Variants in OR51B5 observed in about 807,000 individuals in gnomAD.
The protein encoded by OR51B5 is olfactory receptor family 51 subfamily B member 5.
For synonymous variants in OR51B5, 186 were observed against 144.8 expected (o/e 1.28, Z -2.04); for missense variants, 456 against 374.6 (o/e 1.22, Z -1.79).
chr11:5,478,149 A>C (rs11529358), intron 1 of OR51B5, among the ~76,000 whole-genome samples: 120,887 of 150,784 alleles, frequency 0.8, 48,565 homozygotes, highest in South Asian at 0.92. Context: ...TCTCCCAGCA[A>C]GCAGCTGGAG....
At chr11:5,421,914 TGAATGGGAGTGGGA>T (rs1412928084) in intron 1 of OR51B5, among the ~76,000 whole-genome samples, 4 of 152,274 alleles carry the variant, frequency 2.6e-5, no homozygotes, top group Admixed American at 2.0e-4. Flanking sequence ...TGCTGAAAAC[TGAATGGGAGTGGGA>T]AAATGGGGGC....
At chr11:5,344,715 G>GTGAC (rs1848963169), upstream of OR51B5, among the ~76,000 whole-genome samples, 1 of 152,176 alleles carries the variant, frequency 6.6e-6, no homozygotes, top group Non-Finnish European at 1.5e-5. Flanking sequence ...CACGCATCAT[G>GTGAC]TGACAGCCAT....
intron 1 of OR51B5, among the ~76,000 whole-genome samples, chr11:5,382,593 A>G (rs574076670): frequency 6.6e-6 from 1 of 152,314 alleles, no homozygotes; most frequent in Non-Finnish European, 1.5e-5. Context: ...TAATAAATGC[A>G]GGATTTTCTG....
chr11:5,348,156 T>C (rs1849023522), upstream of OR51B5, among the ~76,000 whole-genome samples: 1 of 152,200 alleles, frequency 6.6e-6, no homozygotes, highest in Admixed American at 6.5e-5. Flanking sequence ...AAAGACTCCC[T>C]GACATCTCTA....
upstream of OR51B5, among the ~76,000 whole-genome samples, chr11:5,343,887 G>T (rs1009190921): frequency 6.6e-6 from 1 of 152,186 alleles, no homozygotes; most frequent in Admixed American, 6.5e-5. Flanking sequence ...CATTCAAGGG[G>T]ATTTCCAGAA....
intron 1 of OR51B5, among the ~76,000 whole-genome samples, chr11:5,404,357 C>T (rs2736522): frequency 0.16 from 24,677 of 152,000 alleles, 2,507 homozygotes; most frequent in African/African-American, 0.29. Flanking sequence ...CACCAATCAG[C>T]GCTGTGTGTC....
intron 1 of OR51B5, among the ~76,000 whole-genome samples, chr11:5,435,158 G>A (rs2133771544): frequency 6.6e-6 from 1 of 152,324 alleles, no homozygotes; most frequent in Non-Finnish European, 1.5e-5. Flanking sequence ...CCCACTGAGA[G>A]AATGTCCATC....
intron 1 of OR51B5, among the ~76,000 whole-genome samples, chr11:5,357,285 A>G (rs937423146): frequency 1.3e-5 from 2 of 152,112 alleles, no homozygotes; most frequent in Non-Finnish European, 2.9e-5. Flanking sequence ...AGGAAGATCT[A>G]CCAAGAAAAT....
intron 1 of OR51B5, among the ~76,000 whole-genome samples, chr11:5,415,751 C>A (rs1850233715): frequency 6.6e-6 from 1 of 151,968 alleles, no homozygotes; most frequent in South Asian, 2.1e-4. Flanking sequence ...CTGAATACAC[C>A]AATAACAGGA....
At position 5,433,945 on chromosome 11, in the gene OR51B5, C is replaced by A. The variant is rs553493469; in HGVS notation, n.84+71624G>T. On this transcript the variant is annotated intron_variant and non_coding_transcript_variant, in intron 1 of 4. Coordinates refer to the OR51B5 transcript ENST00000415970. ...CTACACTCTTCATGCACCAGCTCTG[C>A]TGAACTCTGTCCTCTCTCAAAATTA... Among the ~76,000 whole-genome samples, 91 of 152,322 alleles carry A rather than the reference C, an allele frequency of 6.0e-4. 3 individuals carry two copies. The South Asian group carries it at 0.018, about 29-fold the overall frequency.
chr11:5,459,122 A>T (rs1290209058), intron 1 of OR51B5, among the ~76,000 whole-genome samples: 8 of 152,152 alleles, frequency 5.3e-5, no homozygotes, highest in Non-Finnish European at 7.4e-5. Flanking sequence ...TTTGAGGTAT[A>T]ATCCTTCAAT....
rs570759687 is a variant in OR51B5, at chr11:5,478,189, G to C, written n.84+27380C>G. 3.0e-3 allele frequency among the ~76,000 whole-genome samples: 449 copies of C among 152,162 alleles called. 6 individuals are homozygous for C. In the East Asian group the frequency reaches 0.032, roughly 11 times the overall value. On this transcript the variant is annotated intron_variant and non_coding_transcript_variant, in intron 1 of 4. Coordinates refer to the OR51B5 transcript ENST00000415970. Reference sequence around the variant, plus strand: ...GAGAACGGGTAGACTGCCTCCTCAAGTGGGTCCCTGACCCCTGAACCCCGA... The same window carrying C: ...GAGAACGGGTAGACTGCCTCCTCAACTGGGTCCCTGACCCCTGAACCCCGA...
chr11:5,489,719 A>G, intron 1 of OR51B5: 1 of 1,145,324 alleles, frequency 8.7e-7, no homozygotes. Flanking sequence ...GTCTAGATAC[A>G]TTTACATGGA....
At chr11:5,357,731 A>G (rs1459215403) in intron 1 of OR51B5, among the ~76,000 whole-genome samples, 3 of 150,240 alleles carry the variant, frequency 2.0e-5, no homozygotes, top group Non-Finnish European at 4.4e-5. Flanking sequence ...AATTGACCAC[A>G]TAGTTGGAAG....
chr11:5,348,684 C>T (rs890278374), intron 1 of OR51B5, among the ~76,000 whole-genome samples: 2 of 152,052 alleles, frequency 1.3e-5, no homozygotes, highest in African/African-American at 2.4e-5. Context: ...TTCTTCTAGC[C>T]GCCCTGGCAG....
intron 1 of OR51B5, among the ~76,000 whole-genome samples, chr11:5,453,078 C>T (rs924834885): frequency 6.6e-6 from 1 of 152,162 alleles, no homozygotes; most frequent in Admixed American, 6.5e-5. Flanking sequence ...TTTCCAAGTG[C>T]TACTGATAAC....
intron 1 of OR51B5, among the ~76,000 whole-genome samples, chr11:5,433,025 G>C (rs563386836): frequency 2.7e-4 from 41 of 152,202 alleles, no homozygotes; most frequent in African/African-American, 8.2e-4. Flanking sequence ...GTTTTAAAAA[G>C]CTGAAAAAGG....
At chr11:5,453,954 C>A (rs751641190) in intron 1 of OR51B5, 22 of 1,613,996 alleles carry the variant, frequency 1.4e-5, no homozygotes, top group Non-Finnish European at 1.9e-5. Flanking sequence ...CTTCATCACC[C>A]TTTTCCCTCT....
intron 1 of OR51B5, among the ~76,000 whole-genome samples, chr11:5,393,702 C>G (rs1849829716): frequency 6.6e-6 from 1 of 152,094 alleles, no homozygotes; most frequent in Non-Finnish European, 1.5e-5. Flanking sequence ...CATTATTTTA[C>G]ATTATTTCAT....
Sources: allele counts gnomAD v4.1 joint callset (sites outside exome capture counted in the v4.1 genomes callset), GRCh38; gene constraint gnomAD v4.1.1; transcripts MANE v1.5; gene names NCBI Gene and HGNC (gene_info 2026-07-23, HGNC 2026-07-21).